FBXL17: variants seen among roughly 807,000 people sequenced by gnomAD.
FBXL17 encodes the protein F-box/LRR-repeat protein 17.
Under a neutral mutation model 66.2 loss-of-function variants are expected in FBXL17, and 22 were observed. The ratio of observed to expected loss-of-function variants is 0.33; its 90% CI spans 0.24 to 0.47. FBXL17 has a LOEUF of 0.47. FBXL17 is among the 20% of genes least tolerant of loss of function. The probability of loss-of-function intolerance (pLI) is 1.00; values close to 1 mark genes in which losing one functional copy is unlikely to be tolerated. For synonymous variants in FBXL17, 474 were observed against 400.5 expected (o/e 1.18, Z -2.19); for missense variants, 878 against 948.2 (o/e 0.93, Z 0.97).
chr5:108,252,747 C>A (rs1024924529), intron 4 of FBXL17, among the ~76,000 whole-genome samples: 1 of 152,148 alleles, frequency 6.6e-6, no homozygotes, highest in Non-Finnish European at 1.5e-5. Flanking sequence ...CTATAGCCCA[C>A]AAGAGCTGTA....
At chr5:108,237,474 T>C (rs190782500) in intron 4 of FBXL17, among the ~76,000 whole-genome samples, 1 of 152,276 alleles carries the variant, frequency 6.6e-6, no homozygotes, top group Admixed American at 6.5e-5. Flanking sequence ...AACAAGATTA[T>C]GGGAGACCGA....
At chr5:108,256,746 AT>A (rs1756593305) in intron 4 of FBXL17, among the ~76,000 whole-genome samples, 2 of 151,982 alleles carry the variant, frequency 1.3e-5, no homozygotes, top group Non-Finnish European at 2.9e-5. Flanking sequence ...ATAAAAATAT[AT>A]TTTTATATTT....
At chr5:107,980,665 T>TATATATGTATATATATATATATA (rs1363335386) in intron 7 of FBXL17, among the ~76,000 whole-genome samples, 1 of 79,180 alleles carries the variant, frequency 1.3e-5, no homozygotes, top group African/African-American at 9.0e-5. Flanking sequence ...TATATATATA[T>TATATATGTATATATATATATATA]TTTTTTTTTG....
intron 7 of FBXL17, among the ~76,000 whole-genome samples, chr5:107,984,594 C>T (rs1055068853): frequency 1.3e-5 from 2 of 152,126 alleles, no homozygotes; most frequent in African/African-American, 2.4e-5. Context: ...AACCCACGCA[C>T]GCCTTTGTTT....
Position 107,879,878 on chromosome 5 carries a change from G to A in FBXL17, c.1965+1159C>T. The A allele has an allele frequency of 3.0e-6, 3 of 985,442 alleles. No homozygotes were observed. The South Asian group carries it at 1.4e-4, about 46-fold the overall frequency. 61.0% of individuals were successfully genotyped at this position (985,442 alleles called of 1,614,324 possible). ...GACTGCCCCCTGGGTTGTGCCAGCA[G>A]CACTGGATACAGACTCCAAAGACCC... On this transcript the variant is annotated intron_variant, in intron 8 of 8. Transcript: ENST00000542267.
intron 4 of FBXL17, among the ~76,000 whole-genome samples, chr5:108,267,782 T>C (rs1757105233): frequency 6.6e-6 from 1 of 152,004 alleles, no homozygotes; most frequent in African/African-American, 2.4e-5. Context: ...GGGTTAAAAA[T>C]GACTAGAACT....
intron 6 of FBXL17, among the ~76,000 whole-genome samples, chr5:108,122,027 T>A (rs1750523003): frequency 6.6e-6 from 1 of 152,146 alleles, no homozygotes; most frequent in Non-Finnish European, 1.5e-5. Flanking sequence ...GGAATCAAAT[T>A]AATAAATATT....
At chr5:108,167,995 G>A (rs1277124174) in intron 6 of FBXL17, among the ~76,000 whole-genome samples, 1 of 152,088 alleles carries the variant, frequency 6.6e-6, no homozygotes, top group African/African-American at 2.4e-5. Flanking sequence ...GTTGCTCCTG[G>A]GGAAAGGAGG....
intron 6 of FBXL17, among the ~76,000 whole-genome samples, chr5:108,133,842 G>T (rs1043847829): frequency 5.3e-5 from 8 of 152,088 alleles, no homozygotes; most frequent in Non-Finnish European, 1.0e-4. Flanking sequence ...CTGTAAAAAT[G>T]AGTCAAATGA....
intron 7 of FBXL17, among the ~76,000 whole-genome samples, chr5:107,948,649 G>T (rs893064097): frequency 1.3e-5 from 2 of 152,294 alleles, no homozygotes; most frequent in Admixed American, 1.3e-4. Flanking sequence ...CATGTCAATG[G>T]CTTTTGAATT....
At chr5:108,141,914 T>G (rs547206304) in intron 6 of FBXL17, among the ~76,000 whole-genome samples, 1 of 152,336 alleles carries the variant, frequency 6.6e-6, no homozygotes, top group Non-Finnish European at 1.5e-5. Flanking sequence ...CCACCCCAAG[T>G]TGAGTTGATT....
chr5:108,285,395 A>G (rs1757859777), intron 4 of FBXL17, among the ~76,000 whole-genome samples: 1 of 151,886 alleles, frequency 6.6e-6, no homozygotes, highest in African/African-American at 2.4e-5. Context: ...GCCAAAGAGG[A>G]ATCACTATCT....
chr5:108,220,889 G>C (rs775890845), intron 5 of FBXL17, among the ~76,000 whole-genome samples: 14 of 152,154 alleles, frequency 9.2e-5, no homozygotes, highest in Non-Finnish European at 1.9e-4. Flanking sequence ...GAACACACTT[G>C]TGTTAGAGTA....
At chr5:107,999,081 G>A (rs1753602705) in intron 7 of FBXL17, among the ~76,000 whole-genome samples, 1 of 152,126 alleles carries the variant, frequency 6.6e-6, no homozygotes. Context: ...AGGTGACTTG[G>A]GAGGACCTTG....
chr5:107,997,896 T>C (rs1003356362), intron 7 of FBXL17, among the ~76,000 whole-genome samples: 21 of 152,178 alleles, frequency 1.4e-4, no homozygotes, highest in Non-Finnish European at 3.1e-4. Context: ...GAAACTAAAG[T>C]CCACACTGAC....
chr5:108,186,762 C>T (rs1401310918), intron 5 of FBXL17, among the ~76,000 whole-genome samples: 2 of 142,526 alleles, frequency 1.4e-5, no homozygotes, highest in African/African-American at 5.2e-5. Flanking sequence ...AGTGAGACTG[C>T]GTATCAAAAA....
At chr5:107,992,623 G>T (rs546783436) in intron 7 of FBXL17, among the ~76,000 whole-genome samples, 109 of 151,774 alleles carry the variant, frequency 7.2e-4, no homozygotes, top group African/African-American at 2.3e-3. Context: ...TGTGCTTTGG[G>T]GTACACATTT....
intron 7 of FBXL17, among the ~76,000 whole-genome samples, chr5:108,013,981 T>A (rs909588514): frequency 1.3e-5 from 2 of 152,210 alleles, no homozygotes; most frequent in African/African-American, 4.8e-5. Context: ...CATTTAGAAC[T>A]ATCCATCAGT....
chr5:108,272,809 A>G (rs904631619), intron 4 of FBXL17, among the ~76,000 whole-genome samples: 16 of 152,232 alleles, frequency 1.1e-4, no homozygotes, highest in African/African-American at 3.9e-4. Flanking sequence ...ATACAGCTAC[A>G]GCAAAATGAA....
Sources: gnomAD v4.1 joint callset for allele counts (sites outside exome capture counted in the v4.1 genomes callset) on GRCh38, gnomAD v4.1.1 for gene constraint, MANE v1.5 for transcripts, NCBI Gene and HGNC (gene_info 2026-07-23, HGNC 2026-07-21) for gene names.